Variants in NRG3 observed in about 807,000 individuals in gnomAD.
NRG3 encodes the protein neuregulin 3, also known as pro-neuregulin-3, membrane-bound isoform.
In NRG3, 31 loss-of-function variants were observed where a neutral mutation model predicts 66.9. The observed-to-expected ratio is 0.46, with a 90% CI of 0.35 to 0.63. The LOEUF is 0.63. Among genes scored for constraint, NRG3 ranks in the 20% least tolerant of loss-of-function variants. NRG3 has a pLI of 0.00. For synonymous variants in NRG3, 393 were observed against 359.4 expected, an observed-to-expected ratio of 1.09 and a Z score of -1.06; for missense variants, 910 against 878.9, an observed-to-expected ratio of 1.04 and a Z score of -0.45.
At chr10:82,687,161 T>A (rs1477232059) in intron 2 of NRG3, among the ~76,000 whole-genome samples, 1 of 152,216 alleles carries the variant, frequency 6.6e-6, no homozygotes, top group African/African-American at 2.4e-5. Context: ...CTTTCTTATT[T>A]ATAGTCTTCC....
intron 1 of NRG3, among the ~76,000 whole-genome samples, chr10:82,177,888 A>C (rs1166040578): frequency 6.6e-6 from 1 of 152,152 alleles, no homozygotes; most frequent in Non-Finnish European, 1.5e-5. Context: ...AGGAGAAGAA[A>C]AAATATTGCC....
chr10:81,908,546 A>C (rs1844812900), intron 1 of NRG3, among the ~76,000 whole-genome samples: 1 of 152,226 alleles, frequency 6.6e-6, no homozygotes, highest in Admixed American at 6.5e-5. Flanking sequence ...CTGGCTTTGT[A>C]CAAGTTATTT....
chr10:82,431,688 A>G (rs1259030430), intron 2 of NRG3, among the ~76,000 whole-genome samples: 2 of 152,152 alleles, frequency 1.3e-5, no homozygotes, highest in African/African-American at 2.4e-5. Flanking sequence ...CTACTCACAA[A>G]TATCTTTGCT....
intron 1 of NRG3, among the ~76,000 whole-genome samples, chr10:81,973,830 G>T (rs1461995577): frequency 1.3e-5 from 2 of 151,944 alleles, no homozygotes; most frequent in East Asian, 3.9e-4. Flanking sequence ...TGCATAGTTT[G>T]CAAAAATTTT....
At chr10:82,563,408 A>G (rs2045185210) in intron 2 of NRG3, among the ~76,000 whole-genome samples, 1 of 152,048 alleles carries the variant, frequency 6.6e-6, no homozygotes, top group South Asian at 2.1e-4. Flanking sequence ...TGCATCAATA[A>G]TCATTATCTA....
chr10:82,676,281 T>C (rs2053677821), intron 2 of NRG3, among the ~76,000 whole-genome samples: 1 of 152,102 alleles, frequency 6.6e-6, no homozygotes, highest in Non-Finnish European at 1.5e-5. Flanking sequence ...CCACATATTA[T>C]GTTGATTAAA....
At chr10:82,360,385 A>C (rs528863373) in intron 2 of NRG3, among the ~76,000 whole-genome samples, 1 of 152,204 alleles carries the variant, frequency 6.6e-6, no homozygotes, top group Non-Finnish European at 1.5e-5. Flanking sequence ...AATCATTTGG[A>C]AGTGGCCAAT....
In NRG3 at chr10:82,974,865, G is replaced by A. The variant is rs183088502; in HGVS notation, c.1412+950G>A. 1.0e-3 allele frequency among the ~76,000 whole-genome samples: 159 copies of A among 152,230 alleles called. 1 individual carries two copies. The highest frequency in any genetic ancestry group is 3.5e-3 in the African/African-American group (147 of 41,538). Reference sequence around the variant, plus strand: ...ACTACTTTCTCCTTCACCTTTTAATGAGTTACATGAAGAGGATTTTATTGT... The same window carrying A: ...ACTACTTTCTCCTTCACCTTTTAATAAGTTACATGAAGAGGATTTTATTGT... On this transcript the variant is annotated intron_variant, in intron 7 of 8. Transcript: ENST00000372141.
intron 1 of NRG3, among the ~76,000 whole-genome samples, chr10:82,213,059 AGCTTCCAAGCTT>A (rs147991792): frequency 0.013 from 1,944 of 152,278 alleles, 40 homozygotes; most frequent in African/African-American, 0.043. Context: ...AAGTCAGACC[AGCTTCCAAGCTT>A]AGTGAAGCTA....
At chr10:82,531,861 G>A (rs191240750) in intron 2 of NRG3, among the ~76,000 whole-genome samples, 1 of 151,934 alleles carries the variant, frequency 6.6e-6, no homozygotes, top group African/African-American at 2.4e-5. Flanking sequence ...ATTTCTAAAT[G>A]TTGACTAGTG....
At chr10:82,410,410 C>A (rs551261280) in intron 2 of NRG3, among the ~76,000 whole-genome samples, 3 of 149,900 alleles carry the variant, frequency 2.0e-5, no homozygotes, top group African/African-American at 7.3e-5. Context: ...ATGAAAGAAA[C>A]CATTCAGAAA....
At chr10:82,350,207 A>T (rs2083343912) in intron 1 of NRG3, among the ~76,000 whole-genome samples, 1 of 152,256 alleles carries the variant, frequency 6.6e-6, no homozygotes, top group Admixed American at 6.5e-5. Context: ...TTCCAAAAAC[A>T]TTATCAGAGA....
chr10:82,724,672 C>A (rs1400962135), intron 2 of NRG3, among the ~76,000 whole-genome samples: 1 of 152,160 alleles, frequency 6.6e-6, no homozygotes, highest in Non-Finnish European at 1.5e-5. Context: ...TTTCAGCTTG[C>A]TCTGTGATGT....
At chr10:82,315,133 T>C (rs972167855) in intron 1 of NRG3, among the ~76,000 whole-genome samples, 1 of 152,184 alleles carries the variant, frequency 6.6e-6, no homozygotes, top group African/African-American at 2.4e-5. Flanking sequence ...TAAAATGATG[T>C]GTATACACAT....
chr10:82,475,900 G>T (rs762322535), intron 2 of NRG3, among the ~76,000 whole-genome samples: 1 of 152,024 alleles, frequency 6.6e-6, no homozygotes, highest in Non-Finnish European at 1.5e-5. Flanking sequence ...GAGTGAAAAG[G>T]CAACCCATGG....
chr10:82,796,402 G>A lies in NRG3; in HGVS notation c.1027+57752G>A, dbSNP rs59295033. 8.3e-3 allele frequency among the ~76,000 whole-genome samples: 1,263 copies of A among 152,234 alleles called. 22 individuals carry two copies. Among genetic ancestry groups the A allele is most frequent in the African/African-American group, 0.029 (1,194 of 41,538 alleles). On this transcript the variant is annotated intron_variant, in intron 3 of 8. Transcript: ENST00000372141. ...GCCAAACCATTTCATGGGAGAGAAC[G>A]AGGACTCTGCAGCGAAGTCTGAAAG...
At chr10:82,351,373 T>A (rs975723627) in intron 1 of NRG3, among the ~76,000 whole-genome samples, 1 of 152,208 alleles carries the variant, frequency 6.6e-6, no homozygotes, top group Non-Finnish European at 1.5e-5. Context: ...TCCAGATTAA[T>A]GCTGGAAATC....
intron 3 of NRG3, among the ~76,000 whole-genome samples, chr10:82,814,999 C>T (rs2061645262): frequency 6.6e-6 from 1 of 152,160 alleles, no homozygotes; most frequent in Non-Finnish European, 1.5e-5. Flanking sequence ...AAAGTCCAAA[C>T]CCACCATGCT....
intron 1 of NRG3, among the ~76,000 whole-genome samples, chr10:81,968,002 G>T (rs1299555609): frequency 6.6e-6 from 1 of 152,150 alleles, no homozygotes; most frequent in Non-Finnish European, 1.5e-5. Flanking sequence ...TGCCTGCAAT[G>T]AACTATGAAG....
Sources: gnomAD v4.1 joint callset for allele counts (sites outside exome capture counted in the v4.1 genomes callset) on GRCh38, gnomAD v4.1.1 for gene constraint, MANE v1.5 for transcripts, NCBI Gene and HGNC (gene_info 2026-07-23, HGNC 2026-07-21) for gene names.